The following AGMO variants were observed in gnomAD, a reference collection of about 807,000 sequenced individuals.
The protein encoded by AGMO is glyceryl-ether monooxygenase.
A neutral mutation model predicts 60.2 loss-of-function variants in AGMO; 75 were observed. That is an observed-to-expected ratio of 1.25 (90% CI 1.03 to 1.51). AGMO has a LOEUF of 1.51. Among genes scored for constraint, AGMO ranks in the 40% most tolerant of loss-of-function variants. The pLI, the probability that AGMO is intolerant of heterozygous loss-of-function variation, is 0.00. For missense variants in AGMO, 763 were observed against 525.5 expected (o/e 1.45, Z -4.42); for synonymous variants, 261 against 177.1 (o/e 1.47, Z -3.76).
intron 12 of AGMO, among the ~76,000 whole-genome samples, chr7:15,208,589 T>C (rs1008993687): frequency 1.3e-5 from 2 of 152,192 alleles, no homozygotes; most frequent in African/African-American, 4.8e-5. Context: ...GCTGAGATTT[T>C]TTATGCATTA....
In AGMO at chr7:15,316,367, C is replaced by T. The variant is rs562964897; in HGVS notation, c.1263+49147G>A. 3.9e-5 allele frequency among the ~76,000 whole-genome samples: 6 copies of T among 152,288 alleles called. No homozygotes were observed. The South Asian group carries it at 6.2e-4, about 16-fold the overall frequency. On this transcript the variant is annotated intron_variant, in intron 12 of 12. Coordinates refer to ENST00000342526, the MANE Select transcript of AGMO (RefSeq NM_001004320.2). Reference sequence around the variant, plus strand: ...TCTGCCACAGTAGAGGAACTCCACACTCCCTGCCAGTGGCGTCTGAAATAC... The same window carrying T: ...TCTGCCACAGTAGAGGAACTCCACATTCCCTGCCAGTGGCGTCTGAAATAC...
At position 15,372,375 on chromosome 7, in the gene AGMO, G is replaced by C. The variant is rs532949815; in HGVS notation, c.1075-6153C>G. 9.9e-5 allele frequency among the ~76,000 whole-genome samples: 15 copies of C among 152,242 alleles called. No homozygotes were observed. In the South Asian group the frequency reaches 1.5e-3, roughly 15 times the overall value. The stretch of plus-strand genomic sequence containing the variant: ...CTGAGGCAGGAGTAAACTACTGTTT[G>C]AACCTGGGAAGCAGAGGTTGCAGTG... On this transcript the variant is annotated intron_variant, in intron 10 of 12. Coordinates refer to ENST00000342526, the MANE Select transcript of AGMO (RefSeq NM_001004320.2).
chr7:15,455,629 A>G (rs1781981765), intron 3 of AGMO, among the ~76,000 whole-genome samples: 1 of 152,120 alleles, frequency 6.6e-6, no homozygotes, highest in Non-Finnish European at 1.5e-5. Flanking sequence ...AACTTCTGAA[A>G]ATATGTTTAT....
At chr7:15,278,011 G>T (rs79061029) in intron 12 of AGMO, among the ~76,000 whole-genome samples, 2,903 of 152,224 alleles carry the variant, frequency 0.019, 79 homozygotes, top group African/African-American at 0.067. Flanking sequence ...ACAGAAATGA[G>T]ATCTGTTTCC....
intron 12 of AGMO, among the ~76,000 whole-genome samples, chr7:15,231,411 T>G (rs1266053552): frequency 6.6e-6 from 1 of 152,318 alleles, no homozygotes; most frequent in African/African-American, 2.4e-5. Flanking sequence ...ATTCTCTCCC[T>G]ATCTCAAAGC....
intron 3 of AGMO, among the ~76,000 whole-genome samples, chr7:15,453,819 C>T (rs1781919990): frequency 6.6e-6 from 1 of 151,978 alleles, no homozygotes; most frequent in South Asian, 2.1e-4. Context: ...ATCCCAGCTC[C>T]ACTATCTAAG....
intron 12 of AGMO, among the ~76,000 whole-genome samples, chr7:15,259,945 T>A (rs1253527257): frequency 4.2e-5 from 3 of 71,870 alleles, no homozygotes; most frequent in African/African-American, 1.7e-4. Context: ...TCTTGAAATA[T>A]ATCCTGGAAA....
At chr7:15,346,699 T>C (rs1782046578) in intron 12 of AGMO, among the ~76,000 whole-genome samples, 1 of 151,782 alleles carries the variant, frequency 6.6e-6, no homozygotes, top group African/African-American at 2.4e-5. Flanking sequence ...TTTTAAGTGT[T>C]ATTCAAGAGC....
At chr7:15,523,085 T>A (rs867358394) in intron 3 of AGMO, among the ~76,000 whole-genome samples, 1 of 152,092 alleles carries the variant, frequency 6.6e-6, no homozygotes, top group Non-Finnish European at 1.5e-5. Context: ...AACAAACATA[T>A]GAAAAACAGT....
chr7:15,540,809 A>C (rs1562562785), intron 3 of AGMO, among the ~76,000 whole-genome samples: 1 of 152,198 alleles, frequency 6.6e-6, no homozygotes, highest in Non-Finnish European at 1.5e-5. Flanking sequence ...AAGAAATTGC[A>C]TTGGTGACAT....
intron 3 of AGMO, among the ~76,000 whole-genome samples, chr7:15,519,190 G>C (rs1433508368): frequency 1.3e-5 from 2 of 151,962 alleles, no homozygotes; most frequent in African/African-American, 2.4e-5. Context: ...ACCTAGGTTT[G>C]ATTGTTGTAC....
At chr7:15,337,669 C>T (rs1563094731) in intron 12 of AGMO, among the ~76,000 whole-genome samples, 2 of 152,276 alleles carry the variant, frequency 1.3e-5, no homozygotes, top group South Asian at 2.1e-4. Flanking sequence ...AATCCTAATG[C>T]TTGATAGGAA....
At chr7:15,130,073 A>G in the AGMO span, among the ~76,000 whole-genome samples, 2 of 152,228 alleles carry the variant, frequency 1.3e-5, no homozygotes, top group Non-Finnish European at 2.9e-5. Context: ...CCCCTTTGCA[A>G]TTTTAATATC....
chr7:15,496,682 T>G (rs1414535132), intron 3 of AGMO, among the ~76,000 whole-genome samples: 1 of 152,118 alleles, frequency 6.6e-6, no homozygotes, highest in Non-Finnish European at 1.5e-5. Flanking sequence ...TATGTGAGTG[T>G]TTTTATGTAA....
chr7:15,354,323 T>TACAC (rs1782373135), intron 12 of AGMO, among the ~76,000 whole-genome samples: 3 of 55,344 alleles, frequency 5.4e-5, no homozygotes, highest in Admixed American at 1.6e-4. Context: ...CGCGTGTATA[T>TACAC]ACGTACGCGT....
intron 12 of AGMO, among the ~76,000 whole-genome samples, chr7:15,336,700 A>G (rs375893738): frequency 9.2e-5 from 14 of 152,182 alleles, no homozygotes; most frequent in African/African-American, 3.4e-4. Flanking sequence ...GTTCTGATAC[A>G]TTTTGAGAAA....
At chr7:15,319,337 T>C (rs1470973201) in intron 12 of AGMO, among the ~76,000 whole-genome samples, 1 of 152,172 alleles carries the variant, frequency 6.6e-6, no homozygotes, top group Admixed American at 6.6e-5. Flanking sequence ...TTTGTTCTCA[T>C]GGAGTTTATC....
At chr7:15,464,267 A>T (rs1782221321) in intron 3 of AGMO, among the ~76,000 whole-genome samples, 1 of 152,192 alleles carries the variant, frequency 6.6e-6, no homozygotes, top group Non-Finnish European at 1.5e-5. Context: ...AAAAACATGT[A>T]ATCTTAGCTA....
chr7:15,342,883 C>A (rs1380758268), intron 12 of AGMO, among the ~76,000 whole-genome samples: 2 of 149,740 alleles, frequency 1.3e-5, no homozygotes, highest in East Asian at 2.0e-4. Flanking sequence ...CCTCAATATC[C>A]TCATTTGAGA....
Sources: gnomAD v4.1 joint callset for allele counts (sites outside exome capture counted in the v4.1 genomes callset) on GRCh38, gnomAD v4.1.1 for gene constraint, MANE v1.5 for transcripts, NCBI Gene and HGNC (gene_info 2026-07-23, HGNC 2026-07-21) for gene names.